VAT1L: variants seen among roughly 807,000 people sequenced by gnomAD.
VAT1L encodes putative NADPH-dependent quinone oxidoreductase VAT1L.
In VAT1L, 34 loss-of-function variants were observed where a neutral mutation model predicts 44.1. That is an observed-to-expected ratio of 0.77 (90% CI 0.59 to 1.03). The LOEUF (loss-of-function observed/expected upper bound fraction) is 1.03. Among genes scored for constraint, VAT1L ranks in the 50% least tolerant of loss-of-function variants. VAT1L has a pLI of 0.00. For synonymous variants in VAT1L, 253 were observed against 202.2 expected (o/e 1.25, Z -2.13); for missense variants, 615 against 538.8 (o/e 1.14, Z -1.40).
At chr16:77,931,341 CAAAG>C (rs1381601971) in intron 7 of VAT1L, among the ~76,000 whole-genome samples, 1 of 152,116 alleles carries the variant, frequency 6.6e-6, no homozygotes, top group Non-Finnish European at 1.5e-5. Flanking sequence ...CTGAGACCCA[CAAAG>C]AAATAACTCA....
intron 8 of VAT1L, among the ~76,000 whole-genome samples, chr16:77,976,266 T>C (rs997933709): frequency 2.0e-5 from 3 of 152,194 alleles, no homozygotes; most frequent in Admixed American, 1.3e-4. Flanking sequence ...TGATCAGTGC[T>C]ACAAAGAAGA....
chr16:77,975,866 G>A (rs966475337), intron 8 of VAT1L, among the ~76,000 whole-genome samples: 1 of 152,194 alleles, frequency 6.6e-6, no homozygotes, highest in Non-Finnish European at 1.5e-5. Flanking sequence ...GAGAATAGAG[G>A]TGGCCTTTCC....
chr16:77,860,910 A>G (rs138187674), intron 3 of VAT1L, among the ~76,000 whole-genome samples: 8 of 152,352 alleles, frequency 5.3e-5, no homozygotes, highest in African/African-American at 1.7e-4. Context: ...AAATGTCAAA[A>G]TAAGTAGACA....
intron 7 of VAT1L, among the ~76,000 whole-genome samples, chr16:77,924,581 C>T (rs916706351): frequency 6.6e-6 from 1 of 152,150 alleles, no homozygotes; most frequent in Non-Finnish European, 1.5e-5. Flanking sequence ...CTGCCTCAGC[C>T]TCCCAAGTAG....
chr16:77,945,744 C>G (rs2017953153), intron 7 of VAT1L, among the ~76,000 whole-genome samples: 1 of 151,160 alleles, frequency 6.6e-6, no homozygotes, highest in African/African-American at 2.4e-5. Flanking sequence ...TCAGTATTTC[C>G]TTTTTGGACA....
chr16:77,882,399 A>G (rs1387806090), intron 6 of VAT1L: 1 of 152,224 alleles, frequency 6.6e-6, no homozygotes, highest in Non-Finnish European at 1.5e-5. Context: ...TCTGACTCCA[A>G]ATTTGGAGCT....
intron 3 of VAT1L, among the ~76,000 whole-genome samples, chr16:77,844,472 T>A (rs767630023): frequency 1.9e-4 from 29 of 152,094 alleles, no homozygotes; most frequent in East Asian, 1.3e-3. Flanking sequence ...GCAGTGGCGC[T>A]ATCTCAGCTC....
chr16:77,800,402 G>T (rs2016025017), intron 1 of VAT1L: 1 of 152,150 alleles, frequency 6.6e-6, no homozygotes, highest in Admixed American at 6.5e-5. Flanking sequence ...TATACCTGGG[G>T]ACTCTAAGGC....
In VAT1L at chr16:77,965,973, G is replaced by C. The variant is rs146802206; in HGVS notation, c.1078-5877G>C. Among the ~76,000 whole-genome samples the C allele has an allele frequency of 3.8e-3, 574 of 152,236 alleles. 1 individual carries two copies. The highest frequency in any genetic ancestry group is 0.02 in the Middle Eastern group (6 of 294). On this transcript the variant is annotated intron_variant, in intron 7 of 8. Transcript: ENST00000302536. ...TATGGGAGGCCAATGAGGACTTCAA[G>C]TGTGGCTCATCTGAATTGAGATTTA...
chr16:77,973,801 C>CTGCAAGCTCCACCTCCCAGGTTAA (rs2018306353), intron 8 of VAT1L, among the ~76,000 whole-genome samples: 3 of 152,172 alleles, frequency 2.0e-5, no homozygotes, highest in African/African-American at 4.8e-5. Flanking sequence ...TCTTGGCTCA[C>CTGCAAGCTCCACCTCCCAGGTTAA]TGCAAGCTCC....
intron 3 of VAT1L, among the ~76,000 whole-genome samples, chr16:77,849,522 T>A (rs1022979769): frequency 4.6e-5 from 7 of 152,156 alleles, no homozygotes; most frequent in African/African-American, 7.2e-5. Context: ...GTAAACAATA[T>A]TAACAGTGAA....
At chr16:77,841,429 T>C (rs1341839569) in intron 3 of VAT1L, among the ~76,000 whole-genome samples, 1 of 152,182 alleles carries the variant, frequency 6.6e-6, no homozygotes, top group Non-Finnish European at 1.5e-5. Flanking sequence ...TATATAACTC[T>C]CTCATCGGGC....
intron 7 of VAT1L, among the ~76,000 whole-genome samples, chr16:77,923,902 G>A (rs576296864): frequency 6.6e-6 from 1 of 152,322 alleles, no homozygotes; most frequent in African/African-American, 2.4e-5. Context: ...CAAGCTGACT[G>A]TCTCTCCACA....
At position 77,831,611 on chromosome 16, in the gene VAT1L, G is replaced by T. The variant is rs2016579272; in HGVS notation, c.579+6150G>T. On this transcript the variant is annotated intron_variant, in intron 3 of 8. Coordinates refer to ENST00000302536, the MANE Select transcript of VAT1L (RefSeq NM_020927.3). ...TACCTGACCGGTACTCCTCAAACCT[G>T]TTACGGTAATGAAAACCATAGGAAG... is the stretch of plus-strand genomic sequence containing the variant. Among the ~76,000 whole-genome samples the T allele has an allele frequency of 2.0e-5, 3 of 152,204 alleles. No homozygotes were observed. The South Asian group carries it at 6.2e-4, about 32-fold the overall frequency.
chr16:77,955,059 G>A (rs1459441470), intron 7 of VAT1L, among the ~76,000 whole-genome samples: 1 of 152,148 alleles, frequency 6.6e-6, no homozygotes, highest in African/African-American at 2.4e-5. Context: ...CGCCTATTGA[G>A]CTGTGTACCA....
intron 3 of VAT1L, among the ~76,000 whole-genome samples, chr16:77,840,799 T>A (rs916640821): frequency 3.9e-5 from 6 of 152,186 alleles, no homozygotes; most frequent in African/African-American, 1.4e-4. Context: ...CCTCTCGAAG[T>A]CTCAGCTTGC....
chr16:77,837,924 C>T (rs905898608), intron 3 of VAT1L, among the ~76,000 whole-genome samples: 9 of 152,148 alleles, frequency 5.9e-5, no homozygotes, highest in African/African-American at 1.9e-4. Context: ...TATTACCCAG[C>T]GATACTTTGG....
chr16:77,867,167 G>A (rs1311533999), intron 4 of VAT1L, among the ~76,000 whole-genome samples: 1 of 152,188 alleles, frequency 6.6e-6, no homozygotes, highest in Non-Finnish European at 1.5e-5. Flanking sequence ...CCTTGGAGGT[G>A]TGTGAGTCTG....
chr16:77,954,811 G>A (rs754947283), intron 7 of VAT1L, among the ~76,000 whole-genome samples: 1 of 152,132 alleles, frequency 6.6e-6, no homozygotes, highest in Non-Finnish European at 1.5e-5. Flanking sequence ...CAGAGTTCCA[G>A]AATCACCAGG....
Sources: gnomAD v4.1 joint callset for allele counts (sites outside exome capture counted in the v4.1 genomes callset) on GRCh38, gnomAD v4.1.1 for gene constraint, MANE v1.5 for transcripts, NCBI Gene and HGNC (gene_info 2026-07-23, HGNC 2026-07-21) for gene names.